INPP5A: variants seen among roughly 807,000 people sequenced by gnomAD.
INPP5A encodes 43 kDa inositol polyphosphate 5-phophatase.
INPP5A carries 14 observed loss-of-function variants against 65.2 expected under a neutral mutation model. That is an observed-to-expected ratio of 0.21 (90% CI 0.14 to 0.34). INPP5A has a LOEUF of 0.34. INPP5A is among the 10% of genes least tolerant of loss of function. INPP5A has a pLI of 1.00. For missense variants in INPP5A, 431 were observed against 545.6 expected, an observed-to-expected ratio of 0.79 and a Z score of 2.09; for synonymous variants, 207 against 208.3, an observed-to-expected ratio of 0.99 and a Z score of 0.05.
Position 132,704,669 on chromosome 10 carries a change from G to A in INPP5A, c.475-3644G>A, listed in dbSNP as rs760417734. Among the ~76,000 whole-genome samples, 1 of 152,046 alleles carries A rather than the reference G, an allele frequency of 6.6e-6. No homozygotes were observed. The highest frequency in any genetic ancestry group is 2.4e-5 in the African/African-American group (1 of 41,376). ...GGATCCTGTGCGTGGCTGGGCCGTGGGGGGGCAGTGGCTGTTCCAGGTGGG... is the reference window on the plus strand; with the variant it reads ...GGATCCTGTGCGTGGCTGGGCCGTGAGGGGGCAGTGGCTGTTCCAGGTGGG... On this transcript the variant is annotated intron_variant, in intron 6 of 15. Coordinates refer to ENST00000368594, the MANE Select transcript of INPP5A (RefSeq NM_005539.5). The surrounding 1 kb of genome is among the most constrained non-coding windows in gnomAD (Gnocchi z 4.5).
At chr10:132,608,085 C>T in intron 2 of INPP5A, 129 bp downstream of exon 2, 1 of 785,844 alleles carries the variant, frequency 1.3e-6, no homozygotes, top group African/African-American at 1.7e-5. Flanking sequence ...GGCTGGGTCT[C>T]TCGGCTCCGC....
rs553889512 is a variant in INPP5A, at chr10:132,676,736, C to T, written c.307-13656C>T. Among the ~76,000 whole-genome samples the T allele has an allele frequency of 6.6e-6, 1 of 152,316 alleles. No homozygotes were observed. The highest frequency in any genetic ancestry group is 1.5e-5 in the Non-Finnish European group (1 of 68,026). On this transcript the variant is annotated intron_variant, in intron 4 of 15. Coordinates refer to ENST00000368594, the MANE Select transcript of INPP5A (RefSeq NM_005539.5). This position sits in a 1 kb window ranked among gnomAD's most constrained non-coding sequence, Gnocchi z 4.0. ...CCTGCCCAAGGTTCCGTCCTAGTCC[C>T]TGACCGGCCCCTCCTGTTTCCCCCG...
At position 132,549,992 on chromosome 10, in the gene INPP5A, G is replaced by A. The variant is rs1271217249; in HGVS notation, c.75+11821G>A. Among the ~76,000 whole-genome samples the A allele has an allele frequency of 2.6e-4, 1 of 3,860 alleles. No homozygotes were observed. The highest frequency in any genetic ancestry group is 5.6e-4 in the Non-Finnish European group (1 of 1,792). 2.5% of individuals were successfully genotyped at this position (3,860 alleles called of 152,430 possible). On this transcript the variant is annotated intron_variant, in intron 1 of 15. Transcript: ENST00000368594. This position sits in a 1 kb window ranked among gnomAD's most constrained non-coding sequence, Gnocchi z 4.9. ...TGGGGTCAGCCTCGAGTTACTAACC[G>A]GGCATTAGGGGATGGGGTCAGCCTC...
At chr10:132,719,887 C>T (rs1845831456) in intron 8 of INPP5A, among the ~76,000 whole-genome samples, 1 of 149,964 alleles carries the variant, frequency 6.7e-6, no homozygotes, top group South Asian at 2.1e-4. Context: ...AGACGGCTGT[C>T]TTCAGGGTTC....
chr10:132,600,028 A>AT (rs1269324112), intron 1 of INPP5A, among the ~76,000 whole-genome samples: 2 of 152,208 alleles, frequency 1.3e-5, no homozygotes, highest in Non-Finnish European at 2.9e-5. Context: ...AGGTGTTGCC[A>AT]TGAAGGTCTC....
At position 132,551,843 on chromosome 10, in the gene INPP5A, C is replaced by T. The variant is rs961035554; in HGVS notation, c.75+13672C>T. On this transcript the variant is annotated intron_variant, in intron 1 of 15. Transcript: ENST00000368594. The surrounding 1 kb of genome is among the most constrained non-coding windows in gnomAD (Gnocchi z 5.3). ...CCAGCCGGGGTCTTCTCTGAATAGT[C>T]GGCTGCACGATTAAACTGGGTTCTG... 2.0e-5 allele frequency among the ~76,000 whole-genome samples: 3 copies of T among 152,182 alleles called. No individual in the cohort carries two copies. Among genetic ancestry groups the T allele is most frequent in the Admixed American group, 6.5e-5 (1 of 15,284 alleles).
chr10:132,676,612 G>A lies in INPP5A; in HGVS notation c.307-13780G>A, dbSNP rs1415014785. 6.6e-6 allele frequency among the ~76,000 whole-genome samples: 1 copy of A among 152,200 alleles called. No individual in the cohort carries two copies. Among genetic ancestry groups the A allele is most frequent in the Non-Finnish European group, 1.5e-5 (1 of 68,040 alleles). On this transcript the variant is annotated intron_variant, in intron 4 of 15. Coordinates refer to ENST00000368594, the MANE Select transcript of INPP5A (RefSeq NM_005539.5). This position sits in a 1 kb window ranked among gnomAD's most constrained non-coding sequence, Gnocchi z 4.0. ...CCAAACCGCCGCTGGCCTACAGACT[G>A]CTGTCCCGGCCAGTGCTCCGCTCCC...
intron 2 of INPP5A, among the ~76,000 whole-genome samples, chr10:132,636,070 A>G (rs574949240): frequency 4.1e-4 from 63 of 152,180 alleles, no homozygotes; most frequent in African/African-American, 1.3e-3. Flanking sequence ...TTGAAATCAC[A>G]TAGGTTTCTA....
In INPP5A at chr10:132,624,247, C is replaced by T. The variant is rs190923907; in HGVS notation, c.117+16291C>T. On this transcript the variant is annotated intron_variant, in intron 2 of 15. Coordinates refer to ENST00000368594, the MANE Select transcript of INPP5A (RefSeq NM_005539.5). The stretch of plus-strand genomic sequence containing the variant: ...TCACCTGTGATCCCCGCCTCTGCTG[C>T]GTGGTTCCATTTCTGGGTCACATGG... 6.6e-5 allele frequency among the ~76,000 whole-genome samples: 10 copies of T among 152,360 alleles called. No individual in the cohort carries two copies. In the East Asian group the frequency reaches 1.2e-3, roughly 18 times the overall value.
chr10:132,665,837 T>A (rs1159638825), intron 4 of INPP5A, among the ~76,000 whole-genome samples: 4 of 152,096 alleles, frequency 2.6e-5, no homozygotes, highest in African/African-American at 9.7e-5. Context: ...GGTGAATTGC[T>A]TGAGCTTAGG....
At chr10:132,749,490 C>G in intron 9 of INPP5A, 27 bp from the exon 10 acceptor site, 1 of 1,609,036 alleles carries the variant, frequency 6.2e-7, no homozygotes, top group South Asian at 1.1e-5. Flanking sequence ...CCCCCTGGGA[C>G]TTATCTCCGT....
intron 4 of INPP5A, among the ~76,000 whole-genome samples, chr10:132,685,585 C>A (rs900137980): frequency 6.6e-6 from 1 of 152,236 alleles, no homozygotes; most frequent in African/African-American, 2.4e-5. Flanking sequence ...AATTACCGGC[C>A]ATCTGACTTG....
chr10:132,733,819 C>T (rs1274713750), intron 9 of INPP5A, among the ~76,000 whole-genome samples: 1 of 152,240 alleles, frequency 6.6e-6, no homozygotes, highest in South Asian at 2.1e-4. Context: ...TCAGCCTCTG[C>T]GCGTGAACAA....
chr10:132,598,891 C>A (rs1473190897), intron 1 of INPP5A, among the ~76,000 whole-genome samples: 2 of 152,166 alleles, frequency 1.3e-5, no homozygotes, highest in East Asian at 3.8e-4. Context: ...AAGCGGAAAC[C>A]TCTGATAAGC....
chr10:132,631,485 C>G (rs548208078), intron 2 of INPP5A, among the ~76,000 whole-genome samples: 1 of 152,386 alleles, frequency 6.6e-6, no homozygotes, highest in Non-Finnish European at 1.5e-5. Flanking sequence ...AAGAAATTCC[C>G]GTGTCCCTCT....
chr10:132,580,104 A>G (rs2071463828), intron 1 of INPP5A, among the ~76,000 whole-genome samples: 2 of 151,996 alleles, frequency 1.3e-5, no homozygotes, highest in African/African-American at 4.8e-5. Context: ...CAGGGGCTGC[A>G]TCTGGGTGGC....
chr10:132,674,909 G>C lies in INPP5A; in HGVS notation c.307-15483G>C, dbSNP rs2072943014. Among the ~76,000 whole-genome samples, 1 of 152,142 alleles carries C rather than the reference G, an allele frequency of 6.6e-6. No individual in the cohort carries two copies. The highest frequency in any genetic ancestry group is 2.4e-5 in the African/African-American group (1 of 41,430). ...AGGCCTCCGCTGTGATTCACCTATG[G>C]GGACCTGCCAAAGGCTCCAAACAGC... On this transcript the variant is annotated intron_variant, in intron 4 of 15. Coordinates refer to ENST00000368594, the MANE Select transcript of INPP5A (RefSeq NM_005539.5). The surrounding 1 kb of genome is among the most constrained non-coding windows in gnomAD (Gnocchi z 4.4).
rs2072362920 is a variant in INPP5A at position 132,637,070 on chromosome 10, AC to A, written c.118-8796del. 6.6e-6 allele frequency among the ~76,000 whole-genome samples: 1 copy of A among 152,174 alleles called. No individual in the cohort carries two copies. Among genetic ancestry groups the A allele is most frequent in the African/African-American group, 2.4e-5 (1 of 41,426 alleles). ...GTAGGTAGGACTACAAGCGTGCGCC[AC>A]CAGGCCCAGCTAATTTTTGCATTTT... is the stretch of plus-strand genomic sequence containing the variant. On this transcript the variant is annotated intron_variant, in intron 2 of 15. Coordinates refer to ENST00000368594, the MANE Select transcript of INPP5A (RefSeq NM_005539.5). The surrounding 1 kb of genome is among the most constrained non-coding windows in gnomAD (Gnocchi z 4.1).
chr10:132,745,356 T>C (rs1318014472), intron 9 of INPP5A, among the ~76,000 whole-genome samples: 1 of 152,182 alleles, frequency 6.6e-6, no homozygotes, highest in Non-Finnish European at 1.5e-5. Flanking sequence ...TTCCCTTGTC[T>C]GCCTGGGAGT....
Sources: allele counts gnomAD v4.1 joint callset (sites outside exome capture counted in the v4.1 genomes callset), GRCh38; gene constraint gnomAD v4.1.1; non-coding constraint Gnocchi (gnomAD v3.1); transcripts MANE v1.5; gene names NCBI Gene and HGNC (gene_info 2026-07-23, HGNC 2026-07-21).